CHD4: variants seen among roughly 807,000 people sequenced by gnomAD.
CHD4 encodes ATP-dependent chromatin remodeler CHD4.
A neutral mutation model predicts 235.5 loss-of-function variants in CHD4; 35 were observed. That is an observed-to-expected ratio of 0.15 (90% confidence interval 0.11 to 0.20). The LOEUF is 0.20. CHD4 is among the 10% of genes least tolerant of loss of function. The pLI is 1.00. For missense variants in CHD4, 1,329 were observed against 2,432.3 expected, an observed-to-expected ratio of 0.55 and a Z score of 9.54; for synonymous variants, 900 against 850.2, an observed-to-expected ratio of 1.06 and a Z score of -1.02.
Position 6,595,323 on chromosome 12 carries a change from C to T in CHD4, c.2121+11G>A. The T allele has an allele frequency of 1.2e-6, 2 of 1,610,910 alleles. No homozygotes were observed. Among genetic ancestry groups the T allele is most frequent in the South Asian group, 1.1e-5 (1 of 91,008 alleles). On this transcript the variant is annotated intron_variant, in intron 14 of 39. Transcript: ENST00000544040. ...ACCCAACAAACTACAGTCCCTTCCA[C>T]CCCCACTCACATCAACTGTTGGCGT...
intron 31 of CHD4, 105 bp downstream of exon 31, chr12:6,581,544 T>C (rs747577530): frequency 2.2e-5 from 35 of 1,563,110 alleles, no homozygotes; most frequent in Non-Finnish European, 2.8e-5. Flanking sequence ...AGGGAATTGC[T>C]GTGTGTCCTG....
intron 8 of CHD4, 53 bp from the exon 9 acceptor site, chr12:6,600,448 A>ACCCCCCCCCC: frequency 2.9e-6 from 2 of 687,650 alleles, no homozygotes; most frequent in South Asian, 1.6e-5. Context: ...ACCTCCCCCC[A>ACCCCCCCCCC]CCCCCCGACC....
chr12:6,575,353 C>A (rs1375772480), intron 37 of CHD4, among the ~76,000 whole-genome samples: 1 of 149,160 alleles, frequency 6.7e-6, no homozygotes, highest in Non-Finnish European at 1.5e-5. Flanking sequence ...GAGGCTGAGG[C>A]AGGAGAATCG....
intron 38 of CHD4, 155 bp downstream of exon 38, chr12:6,572,919 A>T: frequency 1.4e-6 from 1 of 694,558 alleles, no homozygotes; most frequent in Non-Finnish European, 2.3e-6. Flanking sequence ...GATTGCCTCT[A>T]AGATACTAAC....
chr12:6,605,245 A>G (rs1948671361), intron 2 of CHD4, among the ~76,000 whole-genome samples: 1 of 152,238 alleles, frequency 6.6e-6, no homozygotes, highest in South Asian at 2.1e-4. Context: ...CCAGAATGAG[A>G]AGAAAACTAG....
chr12:6,595,070 C>G (rs1172707576), intron 14 of CHD4, among the ~76,000 whole-genome samples: 6 of 152,004 alleles, frequency 3.9e-5, no homozygotes, highest in Non-Finnish European at 7.4e-5. Context: ...AAAAGCTAGG[C>G]TATGTGGCCC....
intron 31 of CHD4, 70 bp from the exon 32 acceptor site, chr12:6,581,458 G>GT (rs780246528): frequency 1.3e-6 from 2 of 1,553,064 alleles, no homozygotes; most frequent in Admixed American, 3.3e-5. Flanking sequence ...TTTCTTCCCA[G>GT]TTTGTCTCAT....
At chr12:6,584,526 C>T (rs1490289657) in intron 25 of CHD4, 1 of 152,096 alleles carries the variant, frequency 6.6e-6, no homozygotes, top group Non-Finnish European at 1.5e-5. Flanking sequence ...GCTGGGACCA[C>T]AAGCGTGAGC....
chr12:6,573,392 G>A, intron 37 of CHD4, 123 bp from the exon 38 acceptor site: 1 of 741,704 alleles, frequency 1.3e-6, no homozygotes, highest in Non-Finnish European at 2.0e-6. Flanking sequence ...AGAACTTCAT[G>A]GACAGCTCAT....
intron 25 of CHD4, 86 bp downstream of exon 25, chr12:6,587,298 T>G: frequency 1.4e-6 from 2 of 1,385,916 alleles, no homozygotes; most frequent in South Asian, 1.3e-5. Context: ...ACAGATATTT[T>G]CCACTTGTCT....
intron 31 of CHD4, 96 bp from the exon 32 acceptor site, chr12:6,581,484 C>T (rs751612749): frequency 1.9e-5 from 29 of 1,519,924 alleles, no homozygotes; most frequent in South Asian, 4.5e-5. Context: ...ATTGTCCTCT[C>T]GTGCCTTTAA....
At chr12:6,594,338 C>T (rs1187509038) in intron 15 of CHD4, 121 bp downstream of exon 15, 2 of 768,842 alleles carry the variant, frequency 2.6e-6, no homozygotes, top group Non-Finnish European at 4.3e-6. Flanking sequence ...ATCTATTATC[C>T]ACAGTGTTCT....
chr12:6,587,296 T>C (rs1395558228), intron 25 of CHD4, 88 bp downstream of exon 25: 2 of 1,379,330 alleles, frequency 1.4e-6, no homozygotes, highest in Non-Finnish European at 2.0e-6. Context: ...CTACAGATAT[T>C]TTCCACTTGT....
Position 6,578,146 on chromosome 12 carries a change from G to A in CHD4, c.5120-9C>T, listed in dbSNP as rs1004000728. 1.9e-6 allele frequency: 3 copies of A among 1,608,166 alleles called. No individual in the cohort carries two copies. Among genetic ancestry groups the A allele is most frequent in the Non-Finnish European group, 2.5e-6 (3 of 1,177,042 alleles). ...CCAAAGGGAGTGCAACTCTGAGGAG[G>A]AATTTAGGGAAGGTTGGGGGTGGGG... is the stretch of plus-strand genomic sequence containing the variant. On this transcript the variant is annotated splice_polypyrimidine_tract_variant and intron_variant, in intron 35 of 39. Transcript: ENST00000544040.
chr12:6,597,942 T>C lies in CHD4; in HGVS notation c.1844A>G (p.Tyr615Cys), dbSNP rs1279705701. The change falls in exon 12 of 40, where the codon TAT (tyrosine) becomes TGT (cysteine). Residue 615 changes from tyrosine (Y) to cysteine (C), a missense_variant. Around this residue, in one of 26 missense-constraint regions of CHD4, gnomAD observed 121 missense variants for 177.8 expected, o/e 0.68. Coordinates refer to ENST00000544040, the MANE Select transcript of CHD4 (RefSeq NM_001273.5). The stretch of plus-strand genomic sequence containing the variant: ...CATCATCCACTCGGGTTTTATCCCA[T>C]AGCGATAGAAGCGTTCCTCCATCTC... ...FAEMEERFYRYGIKPEWMMIH... is the reference protein window; with the variant it reads ...FAEMEERFYRCGIKPEWMMIH... The C allele has an allele frequency of 6.2e-7, 1 of 1,614,224 alleles. No homozygotes were observed. The highest frequency in any genetic ancestry group is 8.5e-7 in the Non-Finnish European group (1 of 1,180,032).
At chr12:6,573,665 TTTCA>T (rs1443460533) in intron 37 of CHD4, among the ~76,000 whole-genome samples, 10 of 152,162 alleles carry the variant, frequency 6.6e-5, no homozygotes, top group Non-Finnish European at 1.3e-4. Flanking sequence ...CATATTATGT[TTTCA>T]TTTAGTTACA....
At chr12:6,601,264 C>T (rs1204471972) in intron 6 of CHD4, 25 bp downstream of exon 6, 2 of 1,609,178 alleles carry the variant, frequency 1.2e-6, no homozygotes, top group Admixed American at 1.7e-5. Context: ...TAGACACCCC[C>T]ACTCCCATTT....
At chr12:6,587,691 G>T (rs367601246) in intron 24 of CHD4, 21 bp downstream of exon 24, 3 of 1,611,616 alleles carry the variant, frequency 1.9e-6, no homozygotes, top group Admixed American at 1.7e-5. Context: ...ACACCAAAAC[G>T]TAAGTTCCTG....
intron 22 of CHD4, among the ~76,000 whole-genome samples, chr12:6,588,927 AG>A (rs1402973553): frequency 2.6e-5 from 4 of 152,154 alleles, no homozygotes; most frequent in African/African-American, 9.7e-5. Flanking sequence ...CCTGGGCAAC[AG>A]AGCAAGACCC....
Sources: allele counts gnomAD v4.1 joint callset (sites outside exome capture counted in the v4.1 genomes callset), GRCh38; gene constraint gnomAD v4.1.1; regional missense constraint gnomAD v4.1.1; transcripts MANE v1.5; gene names NCBI Gene and HGNC (gene_info 2026-07-23, HGNC 2026-07-21).